Variants in LARP4B observed in about 807,000 individuals in gnomAD.
LARP4B encodes the protein la-related protein 4B.
LARP4B carries 12 observed loss-of-function variants against 89.8 expected under a neutral mutation model. The ratio of observed to expected loss-of-function variants is 0.13; its 90% CI spans 0.09 to 0.22. The LOEUF (loss-of-function observed/expected upper bound fraction) is 0.22, where lower values mean the gene tolerates loss of function less well. Among genes scored for constraint, LARP4B ranks in the 10% least tolerant of loss-of-function variants. The probability of loss-of-function intolerance (pLI) is 1.00; values close to 1 mark genes in which losing one functional copy is unlikely to be tolerated. For synonymous variants in LARP4B, 367 were observed against 363.3 expected (o/e 1.01, Z -0.12); for missense variants, 757 against 947.7 (o/e 0.80, Z 2.64).
chr10:886,982 T>C (rs1231176481), intron 1 of LARP4B, among the ~76,000 whole-genome samples: 3 of 152,100 alleles, frequency 2.0e-5, no homozygotes, highest in Non-Finnish European at 4.4e-5. Flanking sequence ...CCAGCTACTA[T>C]AGGCTGAGGC....
rs1315509968 is a variant in LARP4B, at chr10:931,535, G to C, written c.-147C>G. The C allele has an allele frequency of 1.3e-5, 2 of 150,820 alleles. No individual in the cohort carries two copies. The highest frequency in any genetic ancestry group is 4.9e-5 in the African/African-American group (2 of 41,228). 9.3% of individuals were successfully genotyped at this position (150,820 alleles called of 1,614,324 possible). A position where few individuals can be genotyped will look rare whatever the true frequency, so the allele number is the denominator to read the frequency against. On this transcript the variant is annotated 5_prime_UTR_variant, in exon 1 of 18. Transcript: ENST00000316157. Reference sequence around the variant, plus strand: ...GGGGACGGCGAGGAGAGAGACGGCAGGGAGAGGCGGCGCGGCCGGGCCGGG... The same window carrying C: ...GGGGACGGCGAGGAGAGAGACGGCACGGAGAGGCGGCGCGGCCGGGCCGGG...
At chr10:909,716 C>T (rs1836615733) in intron 1 of LARP4B, among the ~76,000 whole-genome samples, 1 of 151,328 alleles carries the variant, frequency 6.6e-6, no homozygotes, top group Non-Finnish European at 1.5e-5. Flanking sequence ...ACCTGGGAAG[C>T]GGAGGTTGCA....
intron 1 of LARP4B, among the ~76,000 whole-genome samples, chr10:925,787 G>GC (rs925743029): frequency 6.6e-6 from 1 of 152,170 alleles, no homozygotes; most frequent in African/African-American, 2.4e-5. Flanking sequence ...ACCCGCCTCG[G>GC]CCTCCCAGAG....
At chr10:964,651 G>A in the LARP4B span, among the ~76,000 whole-genome samples, 1 of 152,164 alleles carries the variant, frequency 6.6e-6, no homozygotes, top group Admixed American at 6.5e-5. Flanking sequence ...CAAAACGCAG[G>A]GTCCAAGCCT....
At chr10:919,618 C>T (rs1355924448) in intron 1 of LARP4B, among the ~76,000 whole-genome samples, 1 of 152,168 alleles carries the variant, frequency 6.6e-6, no homozygotes, top group Non-Finnish European at 1.5e-5. Flanking sequence ...AAGATCCTGA[C>T]ACACACCACA....
At chr10:973,335 G>A in the LARP4B span, among the ~76,000 whole-genome samples, 159 of 151,934 alleles carry the variant, frequency 1.0e-3, 1 homozygote, top group African/African-American at 1.7e-3. Flanking sequence ...TTAAAAATCC[G>A]AACGTGATCC....
At chr10:849,341 C>G (rs1833929829) in intron 5 of LARP4B, among the ~76,000 whole-genome samples, 1 of 152,034 alleles carries the variant, frequency 6.6e-6, no homozygotes, top group Non-Finnish European at 1.5e-5. Context: ...AAAATAACCA[C>G]AAAAAAACCC....
At chr10:892,174 C>T (rs1446737299) in intron 1 of LARP4B, among the ~76,000 whole-genome samples, 2 of 152,206 alleles carry the variant, frequency 1.3e-5, no homozygotes, top group African/African-American at 4.8e-5. Flanking sequence ...CACTCGCAGG[C>T]CTTACTGAAT....
chr10:831,456 G>A (rs1832902099), intron 8 of LARP4B, among the ~76,000 whole-genome samples: 1 of 152,192 alleles, frequency 6.6e-6, no homozygotes, highest in Non-Finnish European at 1.5e-5. Flanking sequence ...TGTGATCCCT[G>A]AGAGGGACAT....
chr10:849,708 C>A (rs1284733285), intron 5 of LARP4B, among the ~76,000 whole-genome samples: 1 of 152,046 alleles, frequency 6.6e-6, no homozygotes, highest in Non-Finnish European at 1.5e-5. Context: ...CAGTAAACAG[C>A]CAGGTGATCA....
At chr10:886,167 A>G (rs1057425252) in intron 1 of LARP4B, among the ~76,000 whole-genome samples, 12 of 152,250 alleles carry the variant, frequency 7.9e-5, no homozygotes, top group Admixed American at 5.9e-4. Flanking sequence ...AAAGGCATGA[A>G]CAGGCATTTT....
chr10:833,274 A>AC (rs1304836862), intron 8 of LARP4B, among the ~76,000 whole-genome samples: 3 of 143,932 alleles, frequency 2.1e-5, no homozygotes, highest in African/African-American at 7.6e-5. Context: ...AAAAAAAAAA[A>AC]AAAAAAAAAA....
chr10:892,117 C>T (rs1384635216), intron 1 of LARP4B, among the ~76,000 whole-genome samples: 3 of 152,198 alleles, frequency 2.0e-5, no homozygotes, highest in South Asian at 4.2e-4. Context: ...TCCACACAGC[C>T]GACCAAGGAG....
upstream of LARP4B, among the ~76,000 whole-genome samples, chr10:934,780 G>C (rs979086935): frequency 1.3e-5 from 2 of 152,128 alleles, no homozygotes; most frequent in Non-Finnish European, 2.9e-5. Flanking sequence ...ATGTCAAGTG[G>C]TTACAAATTC....
intron 8 of LARP4B, among the ~76,000 whole-genome samples, chr10:832,044 TTTTA>T (rs1028400498): frequency 6.6e-6 from 1 of 152,182 alleles, no homozygotes; most frequent in African/African-American, 2.4e-5. Flanking sequence ...TTTTATTTTT[TTTTA>T]TTTATTTATT....
the LARP4B span, among the ~76,000 whole-genome samples, chr10:940,683 AAG>A: frequency 1.3e-5 from 2 of 152,262 alleles, no homozygotes; most frequent in Non-Finnish European, 2.9e-5. Context: ...GTACATAAGA[AAG>A]AGACAAAATG....
intron 3 of LARP4B, among the ~76,000 whole-genome samples, chr10:882,754 G>A (rs1835722601): frequency 6.6e-6 from 1 of 152,178 alleles, no homozygotes; most frequent in Admixed American, 6.5e-5. Context: ...AGTACCAGTG[G>A]ATAAATGCAA....
At chr10:903,989 C>T (rs1436056651) in intron 1 of LARP4B, among the ~76,000 whole-genome samples, 12 of 152,018 alleles carry the variant, frequency 7.9e-5, no homozygotes, top group Admixed American at 7.2e-4. Flanking sequence ...AACCTTGACA[C>T]GCAACACTGA....
At chr10:824,950 G>C in intron 13 of LARP4B, 115 bp downstream of exon 13, 1 of 1,073,888 alleles carries the variant, frequency 9.3e-7, no homozygotes, top group Non-Finnish European at 1.3e-6. Flanking sequence ...TATGTTTATA[G>C]CCTTCAGTTA....
Sources: gnomAD v4.1 joint callset for allele counts (sites outside exome capture counted in the v4.1 genomes callset) on GRCh38, gnomAD v4.1.1 for gene constraint, MANE v1.5 for transcripts, NCBI Gene and HGNC (gene_info 2026-07-23, HGNC 2026-07-21) for gene names.